The following PXDNL variants were observed in gnomAD, a reference collection of about 807,000 sequenced individuals.
PXDNL encodes peroxidasin like, also known as probable oxidoreductase PXDNL.
In PXDNL, 145 loss-of-function variants were observed where a neutral mutation model predicts 150.8. The ratio of observed to expected loss-of-function variants is 0.96; its 90% CI spans 0.84 to 1.10. The LOEUF is 1.10. PXDNL is among the 50% of genes least tolerant of loss of function. The pLI, the probability that PXDNL is intolerant of heterozygous loss-of-function variation, is 0.00. For missense variants in PXDNL, 2,087 were observed against 1,873.9 expected, an observed-to-expected ratio of 1.11 and a Z score of -2.10; for synonymous variants, 757 against 725.7, an observed-to-expected ratio of 1.04 and a Z score of -0.69.
At chr8:51,351,454 C>G (rs1324640245) in intron 19 of PXDNL, among the ~76,000 whole-genome samples, 4 of 152,140 alleles carry the variant, frequency 2.6e-5, no homozygotes, top group Non-Finnish European at 5.9e-5. Flanking sequence ...TGTTGGCAAA[C>G]CATGAAAAGT....
chr8:51,736,482 G>A (rs1250476622), intron 1 of PXDNL, among the ~76,000 whole-genome samples: 2 of 152,132 alleles, frequency 1.3e-5, no homozygotes, highest in East Asian at 3.8e-4. Context: ...GGTTCAACAG[G>A]GTACAGCCAA....
chr8:51,565,930 T>A (rs1812819571), intron 3 of PXDNL, among the ~76,000 whole-genome samples: 1 of 151,920 alleles, frequency 6.6e-6, no homozygotes. Flanking sequence ...AAGCATTATA[T>A]TAGCCATAGG....
intron 6 of PXDNL, among the ~76,000 whole-genome samples, chr8:51,476,729 C>A (rs141525677): frequency 6.6e-5 from 10 of 152,284 alleles, no homozygotes; most frequent in Non-Finnish European, 2.9e-5. Flanking sequence ...ATTCACAAGT[C>A]TGTCTATGGT....
chr8:51,803,373 C>G (rs1238370286), intron 1 of PXDNL, among the ~76,000 whole-genome samples: 3 of 152,192 alleles, frequency 2.0e-5, no homozygotes, highest in African/African-American at 7.2e-5. Flanking sequence ...TTCCCTTTGC[C>G]TACCACACAA....
chr8:51,599,017 G>T (rs1813634757), intron 2 of PXDNL, among the ~76,000 whole-genome samples: 1 of 152,044 alleles, frequency 6.6e-6, no homozygotes. Context: ...TCTAGTTTGT[G>T]TATATAGAGG....
At chr8:51,398,330 C>A (rs1289780318) in intron 17 of PXDNL, among the ~76,000 whole-genome samples, 1 of 152,196 alleles carries the variant, frequency 6.6e-6, no homozygotes, top group Non-Finnish European at 1.5e-5. Flanking sequence ...GCGGGACCTG[C>A]GGTGGGGAGT....
intron 2 of PXDNL, among the ~76,000 whole-genome samples, chr8:51,647,554 A>G (rs1814945025): frequency 1.3e-5 from 2 of 152,254 alleles, no homozygotes. Context: ...TCATCATTTT[A>G]CAATGCAGAA....
At chr8:51,700,310 CACAT>C (rs1816228442) in intron 1 of PXDNL, among the ~76,000 whole-genome samples, 1 of 151,810 alleles carries the variant, frequency 6.6e-6, no homozygotes, top group Non-Finnish European at 1.5e-5. Flanking sequence ...CATGTATACA[CACAT>C]ACAAAAATAA....
chr8:51,695,085 G>T (rs1184317327), intron 1 of PXDNL, among the ~76,000 whole-genome samples: 1 of 152,096 alleles, frequency 6.6e-6, no homozygotes, highest in Non-Finnish European at 1.5e-5. Context: ...CTAAGGGCTG[G>T]ATACCTTCAG....
intron 3 of PXDNL, among the ~76,000 whole-genome samples, chr8:51,571,653 T>C (rs1367866011): frequency 2.0e-5 from 3 of 151,902 alleles, no homozygotes. Context: ...ATTTAAACTT[T>C]GCTTTAAAAT....
intron 4 of PXDNL, among the ~76,000 whole-genome samples, chr8:51,513,966 C>A (rs1055958286): frequency 3.9e-5 from 6 of 152,234 alleles, no homozygotes; most frequent in African/African-American, 1.4e-4. Context: ...AATATTGTTT[C>A]TCCTCTATTT....
chr8:51,697,866 T>A (rs1407203378), intron 1 of PXDNL, among the ~76,000 whole-genome samples: 1 of 152,214 alleles, frequency 6.6e-6, no homozygotes, highest in Non-Finnish European at 1.5e-5. Flanking sequence ...CCAGGCCAAC[T>A]CAATAAAGCA....
At chr8:51,425,123 G>C (rs1409486076) in intron 13 of PXDNL, among the ~76,000 whole-genome samples, 19 of 152,200 alleles carry the variant, frequency 1.2e-4, no homozygotes, top group Admixed American at 1.2e-3. Flanking sequence ...CCTATTGCCA[G>C]AACTCCAGAC....
intron 1 of PXDNL, among the ~76,000 whole-genome samples, chr8:51,696,069 C>T (rs557057772): frequency 6.6e-6 from 1 of 152,312 alleles, no homozygotes; most frequent in South Asian, 2.1e-4. Flanking sequence ...TTTCATTTCA[C>T]CCTGATCTAC....
intron 7 of PXDNL, 25 bp downstream of exon 7, chr8:51,474,947 T>C (rs752774816): frequency 6.4e-7 from 1 of 1,554,824 alleles, no homozygotes; most frequent in Admixed American, 1.9e-5. Flanking sequence ...AGTTCTATCT[T>C]ATGTACACAT....
chr8:51,541,757 A>T (rs1431181301), intron 4 of PXDNL, among the ~76,000 whole-genome samples: 1 of 152,236 alleles, frequency 6.6e-6, no homozygotes, highest in Middle Eastern at 3.4e-3. Flanking sequence ...GTACTTCAGC[A>T]TGGAAACCAC....
chr8:51,744,743 A>AGAGAAAGAAGGAAGAGAG (rs2036957910), intron 1 of PXDNL, among the ~76,000 whole-genome samples: 1 of 50,774 alleles, frequency 2.0e-5, no homozygotes, highest in East Asian at 6.3e-4. Context: ...AAAGAAAGAG[A>AGAGAAAGAAGGAAGAGAG]AAAGAAAAGA....
At chr8:51,338,965 C>G (rs60646659) in intron 21 of PXDNL, among the ~76,000 whole-genome samples, 33,638 of 152,058 alleles carry the variant, frequency 0.22, 3,879 homozygotes, top group Middle Eastern at 0.3. Context: ...AAAATTATCT[C>G]CATCTGTGGA....
chr8:51,597,651 T>TTGTGTG (rs71550272), intron 2 of PXDNL, among the ~76,000 whole-genome samples: 11,700 of 149,842 alleles, frequency 0.078, 526 homozygotes, highest in South Asian at 0.091. Flanking sequence ...CTCTAAGTAT[T>TTGTGTG]TGTGTGTGTG....
Sources: allele counts gnomAD v4.1 joint callset (sites outside exome capture counted in the v4.1 genomes callset), GRCh38; gene constraint gnomAD v4.1.1; transcripts MANE v1.5; gene names NCBI Gene and HGNC (gene_info 2026-07-23, HGNC 2026-07-21).